TENM3: variants seen among roughly 807,000 people sequenced by gnomAD.
TENM3 encodes the protein teneurin-3.
Under a neutral mutation model 255.1 loss-of-function variants are expected in TENM3, and 63 were observed. The observed-to-expected ratio is 0.25, with a 90% CI of 0.20 to 0.30. TENM3 has a LOEUF of 0.30. TENM3 is among the 10% of genes least tolerant of loss of function. The probability of loss-of-function intolerance (pLI) is 1.00; values close to 1 mark genes in which losing one functional copy is unlikely to be tolerated. For synonymous variants in TENM3, 1,306 were observed against 1,322.3 expected, an observed-to-expected ratio of 0.99 and a Z score of 0.27; for missense variants, 2,929 against 3,461.1, an observed-to-expected ratio of 0.85 and a Z score of 3.86.
rs565076650 is a variant in TENM3 at position 182,623,226 on chromosome 4, G to A, written c.750-5425G>A. On this transcript the variant is annotated intron_variant, in intron 4 of 27. Coordinates refer to ENST00000511685, the MANE Select transcript of TENM3 (RefSeq NM_001080477.4). ...GACGGGGTTTCACTGTATTAGCCAAGATGGTCTCGATTTCCTGACCTTGTG... is the reference window on the plus strand; with the variant it reads ...GACGGGGTTTCACTGTATTAGCCAAAATGGTCTCGATTTCCTGACCTTGTG... Among the ~76,000 whole-genome samples, 378 of 151,952 alleles carry A rather than the reference G, an allele frequency of 2.5e-3. 1 individual carries two copies. Among genetic ancestry groups the A allele is most frequent in the African/African-American group, 8.8e-3 (364 of 41,422 alleles).
At chr4:182,319,516 G>T (rs892825048) in intron 1 of TENM3, among the ~76,000 whole-genome samples, 3 of 152,164 alleles carry the variant, frequency 2.0e-5, no homozygotes, top group East Asian at 3.9e-4. Context: ...ATCTTTGATG[G>T]CATAATCAAA....
At chr4:181,571,891 A>G in the TENM3 span, among the ~76,000 whole-genome samples, 1 of 152,142 alleles carries the variant, frequency 6.6e-6, no homozygotes, top group South Asian at 2.1e-4. Context: ...TATTAATGTC[A>G]TCTTCTTTTT....
chr4:182,223,047 G>A (rs1009942900), intron 1 of TENM3, among the ~76,000 whole-genome samples: 2 of 152,150 alleles, frequency 1.3e-5, no homozygotes. Flanking sequence ...TTGACATTCT[G>A]AGCACTCTCT....
chr4:181,648,082 T>C, the TENM3 span, among the ~76,000 whole-genome samples: 1 of 152,090 alleles, frequency 6.6e-6, no homozygotes, highest in African/African-American at 2.4e-5. Flanking sequence ...GTGTTGCACA[T>C]TTAGGTGTAT....
At chr4:181,991,117 A>T in the TENM3 span, among the ~76,000 whole-genome samples, 1 of 152,166 alleles carries the variant, frequency 6.6e-6, no homozygotes, top group Non-Finnish European at 1.5e-5. Flanking sequence ...CATAAACAGG[A>T]AACAATTTTA....
At chr4:182,431,426 G>A (rs1771633532) in intron 3 of TENM3, among the ~76,000 whole-genome samples, 1 of 152,108 alleles carries the variant, frequency 6.6e-6, no homozygotes, top group Admixed American at 6.6e-5. Flanking sequence ...CCCGGGAGGT[G>A]GAGCTTGCAG....
At chr4:182,061,295 A>G in the TENM3 span, among the ~76,000 whole-genome samples, 2 of 152,132 alleles carry the variant, frequency 1.3e-5, no homozygotes, top group Non-Finnish European at 2.9e-5. Flanking sequence ...CAGAGTTCGC[A>G]TGACTTTGGG....
chr4:182,417,089 T>C (rs1307999191), intron 3 of TENM3, among the ~76,000 whole-genome samples: 1 of 152,174 alleles, frequency 6.6e-6, no homozygotes, highest in Non-Finnish European at 1.5e-5. Context: ...TTCTCCTGCC[T>C]CAGCCTCCCG....
At chr4:181,810,397 G>A in the TENM3 span, among the ~76,000 whole-genome samples, 4 of 152,068 alleles carry the variant, frequency 2.6e-5, no homozygotes, top group Admixed American at 6.5e-5. Context: ...AATAATGAAC[G>A]AATCTGAGTC....
chr4:181,712,897 A>T, the TENM3 span, among the ~76,000 whole-genome samples: 1 of 152,200 alleles, frequency 6.6e-6, no homozygotes, highest in Non-Finnish European at 1.5e-5. Flanking sequence ...TTCTAATGTC[A>T]CAAGATGTTG....
At chr4:182,355,911 T>TTATA (rs112990350) in intron 3 of TENM3, among the ~76,000 whole-genome samples, 3,037 of 147,972 alleles carry the variant, frequency 0.021, 67 homozygotes, top group South Asian at 0.047. Context: ...TATATATATA[T>TTATA]TATATATATA....
At chr4:181,769,264 G>T in the TENM3 span, among the ~76,000 whole-genome samples, 1 of 152,174 alleles carries the variant, frequency 6.6e-6, no homozygotes, top group Admixed American at 6.5e-5. Context: ...CTAACAAATG[G>T]TATATTAACC....
At chr4:182,252,751 A>G (rs966189529) in intron 1 of TENM3, among the ~76,000 whole-genome samples, 1 of 152,190 alleles carries the variant, frequency 6.6e-6, no homozygotes, top group African/African-American at 2.4e-5. Flanking sequence ...TGGCTAATAA[A>G]AGGAAGCAAA....
At chr4:181,643,418 C>A in the TENM3 span, among the ~76,000 whole-genome samples, 1 of 152,156 alleles carries the variant, frequency 6.6e-6, no homozygotes, top group Admixed American at 6.5e-5. Context: ...TCTAAATATA[C>A]AATCATGTCA....
chr4:182,446,626 C>CTT (rs751176797), intron 3 of TENM3, among the ~76,000 whole-genome samples: 7 of 143,184 alleles, frequency 4.9e-5, no homozygotes, highest in African/African-American at 5.1e-5. Context: ...GGTCCTAGCA[C>CTT]TTTTTTTTTT....
chr4:182,779,246 C>T lies in TENM3; in HGVS notation c.5304+4093C>T, dbSNP rs562548660. Among the ~76,000 whole-genome samples, 235 of 151,724 alleles carry T rather than the reference C, an allele frequency of 1.5e-3. 2 individuals carry two copies. The highest frequency in any genetic ancestry group is 5.5e-3 in the African/African-American group (226 of 41,348). On this transcript the variant is annotated intron_variant, in intron 24 of 27. Transcript: ENST00000511685. ...CAACAGTCCCCAGAGTGTGATATTCCCCTTCCTGTGTCCATGTGATCTCAT... is the reference window on the plus strand; with the variant it reads ...CAACAGTCCCCAGAGTGTGATATTCTCCTTCCTGTGTCCATGTGATCTCAT...
the TENM3 span, among the ~76,000 whole-genome samples, chr4:182,049,403 G>A: frequency 2.0e-4 from 30 of 151,952 alleles, no homozygotes; most frequent in Admixed American, 1.4e-3. Flanking sequence ...CTCTACCCTG[G>A]AAAGGGACAG....
the TENM3 span, among the ~76,000 whole-genome samples, chr4:181,917,654 T>TTTTC: frequency 1.3e-5 from 2 of 150,266 alleles, no homozygotes; most frequent in Non-Finnish European, 3.0e-5. Context: ...AGACTTCTTT[T>TTTTC]TTTTTTTTCT....
the TENM3 span, among the ~76,000 whole-genome samples, chr4:182,036,223 G>A: frequency 6.6e-6 from 1 of 151,838 alleles, no homozygotes. Context: ...ATGGAGTCTT[G>A]CTCTATCGCC....
Sources: allele counts gnomAD v4.1 joint callset (sites outside exome capture counted in the v4.1 genomes callset), GRCh38; gene constraint gnomAD v4.1.1; transcripts MANE v1.5; gene names NCBI Gene and HGNC (gene_info 2026-07-23, HGNC 2026-07-21).